The following CAMKK2 variants were observed in gnomAD, a reference collection of about 807,000 sequenced individuals.
The protein encoded by CAMKK2 is calcium/calmodulin-dependent protein kinase kinase 2.
CAMKK2 carries 30 observed loss-of-function variants against 67.2 expected under a neutral mutation model. The observed-to-expected ratio is 0.45, with a 90% confidence interval of 0.33 to 0.61. The LOEUF is 0.61. Ranked by LOEUF, CAMKK2 falls within the 20% of genes least tolerant of loss-of-function variation. The pLI, the probability that CAMKK2 is intolerant of heterozygous loss-of-function variation, is 0.02. For missense variants in CAMKK2, 643 were observed against 802.0 expected (o/e 0.80, Z 2.39); for synonymous variants, 322 against 326.2 (o/e 0.99, Z 0.14).
chr12:121,264,599 A>C (rs4474522), intron 5 of CAMKK2, among the ~76,000 whole-genome samples: 89,026 of 151,812 alleles, frequency 0.59, 28,885 homozygotes, highest in African/African-American at 0.88. Flanking sequence ...ACAGTGAAAC[A>C]CTGTCTCGAC....
At chr12:121,279,516 A>G (rs1030351024) in intron 1 of CAMKK2, among the ~76,000 whole-genome samples, 3 of 152,234 alleles carry the variant, frequency 2.0e-5, no homozygotes, top group African/African-American at 7.2e-5. Context: ...CTAACATTCA[A>G]CTGAGCTCTC....
Position 121,253,918 on chromosome 12 carries a change from T to C in CAMKK2, c.908-446A>G, listed in dbSNP as rs1015749945. ...GACCTGAGCAGGCCGATTTGAAATG[T>C]GAACCACACACAGAACTCGGGGCTT... On this transcript the variant is annotated intron_variant, in intron 9 of 16. Coordinates refer to ENST00000404169, the MANE Select transcript of CAMKK2 (RefSeq NM_001270485.2). The surrounding 1 kb of genome is among the most constrained non-coding windows in gnomAD (Gnocchi z 5.0). 1.3e-5 allele frequency among the ~76,000 whole-genome samples: 2 copies of C among 152,138 alleles called. No individual in the cohort carries two copies. The highest frequency in any genetic ancestry group is 2.9e-5 in the Non-Finnish European group (2 of 68,020).
intron 1 of CAMKK2, among the ~76,000 whole-genome samples, chr12:121,291,540 G>T (rs929121989): frequency 1.3e-5 from 2 of 152,188 alleles, no homozygotes; most frequent in Non-Finnish European, 2.9e-5. Flanking sequence ...TATATTACAT[G>T]ATTCTATTTA....
intron 5 of CAMKK2, among the ~76,000 whole-genome samples, chr12:121,265,745 C>T (rs557807614): frequency 3.9e-5 from 6 of 152,036 alleles, no homozygotes; most frequent in Admixed American, 1.3e-4. Flanking sequence ...GTAGCCCCAG[C>T]TACTTGGGAG....
intron 5 of CAMKK2, among the ~76,000 whole-genome samples, chr12:121,266,675 G>A (rs1428070951): frequency 2.0e-5 from 3 of 151,748 alleles, no homozygotes; most frequent in Non-Finnish European, 4.4e-5. Flanking sequence ...TGTATATTTA[G>A]TAGAGACAGG....
chr12:121,240,210 G>T lies in CAMKK2; in HGVS notation c.*489C>A. ...CCTGCTCTGACTCCTTGAGACCACGGCTCTGGAAGGTGCCATGGTTTCCGG... is the reference window on the plus strand; with the variant it reads ...CCTGCTCTGACTCCTTGAGACCACGTCTCTGGAAGGTGCCATGGTTTCCGG... On this transcript the variant is annotated 3_prime_UTR_variant, in exon 17 of 17. Coordinates refer to ENST00000404169, the MANE Select transcript of CAMKK2 (RefSeq NM_001270485.2). This position sits in a 1 kb window ranked among gnomAD's most constrained non-coding sequence, Gnocchi z 4.4. The T allele has an allele frequency of 1.7e-6, 1 of 581,770 alleles. No homozygotes were observed. The highest frequency in any genetic ancestry group is 3.0e-6 in the Non-Finnish European group (1 of 330,014). The allele number at this position is 581,770 out of a possible 1,614,324, so 36.0% of individuals were successfully genotyped here.
At chr12:121,284,736 G>C (rs980232516) in intron 1 of CAMKK2, among the ~76,000 whole-genome samples, 1 of 152,318 alleles carries the variant, frequency 6.6e-6, no homozygotes, top group African/African-American at 2.4e-5. Context: ...CAAGGGATTT[G>C]GGCAGGCAGC....
At chr12:121,263,020 A>G (rs2948130) in intron 6 of CAMKK2, among the ~76,000 whole-genome samples, 21,949 of 151,930 alleles carry the variant, frequency 0.14, 2,396 homozygotes, top group African/African-American at 0.31. Flanking sequence ...CCAGGCTGGA[A>G]TGCAATGGCG....
intron 7 of CAMKK2, among the ~76,000 whole-genome samples, chr12:121,256,115 G>A (rs111635755): frequency 8.5e-4 from 129 of 152,292 alleles, no homozygotes; most frequent in African/African-American, 3.0e-3. Context: ...GGTGGCTCAC[G>A]CCAGTGTAAT....
chr12:121,270,187 T>C (rs1398305998), intron 3 of CAMKK2, among the ~76,000 whole-genome samples: 1 of 152,026 alleles, frequency 6.6e-6, no homozygotes, highest in African/African-American at 2.4e-5. Flanking sequence ...CTGGGCAACA[T>C]AGTGAAACCC....
At position 121,249,870 on chromosome 12, in the gene CAMKK2, C is replaced by T. The variant is rs142766604; in HGVS notation, c.1240G>A (p.Asp414Asn). 6.9e-5 allele frequency: 112 copies of T among 1,614,080 alleles called. No homozygotes were observed. Among genetic ancestry groups the T allele is most frequent in the Admixed American group, 2.0e-4 (12 of 60,014 alleles). The change falls in exon 13 of 17, where the codon GAC becomes AAC. Residue 414 changes from aspartate to asparagine, a missense_variant. By Grantham distance (23) the Asp-to-Asn change is conservative. Transcript: ENST00000404169. Reference sequence around the variant, plus strand: ...AGGTCCTTCAAGTCCTCAGCTATGTCGGGCCTGGGGATGGAGAGGCGTCAG... The same window carrying T: ...AGGTCCTTCAAGTCCTCAGCTATGTTGGGCCTGGGGATGGAGAGGCGTCAG... ...SQALEFPDQP[D>N]IAEDLKDLIT...
chr12:121,257,005 C>T (rs1417398495), intron 7 of CAMKK2, among the ~76,000 whole-genome samples: 1 of 123,328 alleles, frequency 8.1e-6, no homozygotes, highest in Non-Finnish European at 1.7e-5. Flanking sequence ...GAATACAAGG[C>T]TGTACTTTAG....
intron 5 of CAMKK2, among the ~76,000 whole-genome samples, chr12:121,264,322 C>T (rs75201413): frequency 0.075 from 11,369 of 152,306 alleles, 625 homozygotes; most frequent in East Asian, 0.26. Flanking sequence ...TAAACATTAA[C>T]TCTTATCTCC....
At position 121,253,438 on chromosome 12, in the gene CAMKK2, T is replaced by G; in HGVS notation, c.942A>C (p.Lys314Asn). The G allele has an allele frequency of 6.2e-7, 1 of 1,614,082 alleles. No homozygotes were observed. The highest frequency in any genetic ancestry group is 8.5e-7 in the Non-Finnish European group (1 of 1,180,016). The change falls in exon 10 of 17, where the codon AAA becomes AAC. Residue 314 changes from lysine (K) to asparagine (N), a missense_variant. By Grantham distance (94) the Lys-to-Asn change is moderately conservative. Transcript: ENST00000404169. The surrounding 1 kb of genome is among the most constrained non-coding windows in gnomAD (Gnocchi z 5.0). ...HYQKIIHRDI[K>N]PSNLLVGEDG... ...CTTCTCCGACCAGGAGGTTGGAAGGTTTGATGTCACGGTGGATGATCTTCT... is the reference window on the plus strand; with the variant it reads ...CTTCTCCGACCAGGAGGTTGGAAGGGTTGATGTCACGGTGGATGATCTTCT...
intron 11 of CAMKK2, among the ~76,000 whole-genome samples, chr12:121,251,054 C>T (rs558505760): frequency 1.3e-5 from 2 of 152,292 alleles, no homozygotes; most frequent in East Asian, 3.9e-4. Context: ...GTCATGTGTG[C>T]TGGAAAAGGA....
intron 1 of CAMKK2, among the ~76,000 whole-genome samples, chr12:121,292,340 C>A (rs927541284): frequency 6.6e-6 from 1 of 151,914 alleles, no homozygotes; most frequent in Non-Finnish European, 1.5e-5. Flanking sequence ...TGTTGGCCAG[C>A]CTGATCTTGA....
At chr12:121,261,471 A>G (rs1323509734) in intron 6 of CAMKK2, among the ~76,000 whole-genome samples, 1 of 152,074 alleles carries the variant, frequency 6.6e-6, no homozygotes, top group Admixed American at 6.5e-5. Context: ...CCCTGGCTAG[A>G]CTAGTCCCCC....
chr12:121,277,982 TA>T (rs1897120208), intron 1 of CAMKK2, among the ~76,000 whole-genome samples: 1 of 151,928 alleles, frequency 6.6e-6, no homozygotes, highest in Non-Finnish European at 1.5e-5. Flanking sequence ...AATAAATAAA[TA>T]AAAAGTGTTT....
rs1023079623 is a variant in CAMKK2, at chr12:121,279,481, T to C, written c.-59-4896A>G. On this transcript the variant is annotated intron_variant, in intron 1 of 16. Coordinates refer to ENST00000404169, the MANE Select transcript of CAMKK2 (RefSeq NM_001270485.2). ...CAGAAGAAATCATGCAAAAAGACAA[T>C]AGTTTAGCCTGGAAACAGCAACGGC... 9.2e-5 allele frequency among the ~76,000 whole-genome samples: 14 copies of C among 151,980 alleles called. 1 individual carries two copies. The highest frequency in any genetic ancestry group is 6.6e-4 in the Admixed American group (10 of 15,250).
Sources: allele counts gnomAD v4.1 joint callset (sites outside exome capture counted in the v4.1 genomes callset), GRCh38; gene constraint gnomAD v4.1.1; non-coding constraint Gnocchi (gnomAD v3.1); transcripts MANE v1.5; gene names NCBI Gene and HGNC (gene_info 2026-07-23, HGNC 2026-07-21).